SVOPL: variants seen among roughly 807,000 people sequenced by gnomAD.
SVOPL encodes the protein putative transporter SVOPL.
Under a neutral mutation model 61.0 loss-of-function variants are expected in SVOPL, and 60 were observed. That is an observed-to-expected ratio of 0.98 (90% CI 0.80 to 1.22). The LOEUF (loss-of-function observed/expected upper bound fraction) is 1.22, where lower values mean the gene tolerates loss of function less well. Ranked by LOEUF, SVOPL falls within the 50% of genes most tolerant of loss-of-function variation. The probability of loss-of-function intolerance (pLI) is 0.00; values close to 1 mark genes in which losing one functional copy is unlikely to be tolerated. For synonymous variants in SVOPL, 279 were observed against 250.0 expected (o/e 1.12, Z -1.09); for missense variants, 662 against 643.9 (o/e 1.03, Z -0.30).
At chr7:138,661,733 T>C in intron 5 of SVOPL, 4 of 860,816 alleles carry the variant, frequency 4.6e-6, no homozygotes, top group Non-Finnish European at 5.6e-6. Flanking sequence ...CCCCAAATTC[T>C]TTTCTCTCCT....
chr7:138,596,733 G>A, intron 14 of SVOPL: 1 of 1,257,538 alleles, frequency 8.0e-7, no homozygotes, highest in South Asian at 2.0e-5. Flanking sequence ...ACAGGAACTG[G>A]TATTAACACG....
At chr7:138,690,272 T>C (rs1802912331) in intron 1 of SVOPL, among the ~76,000 whole-genome samples, 1 of 152,230 alleles carries the variant, frequency 6.6e-6, no homozygotes. Flanking sequence ...AGAAGCATCA[T>C]TTGAGATAGA....
At chr7:138,618,343 C>T (rs1799392796) in intron 14 of SVOPL, among the ~76,000 whole-genome samples, 1 of 152,060 alleles carries the variant, frequency 6.6e-6, no homozygotes, top group Admixed American at 6.6e-5. Flanking sequence ...GTAGTAGGTG[C>T]TATTCTTTAT....
intron 9 of SVOPL, among the ~76,000 whole-genome samples, chr7:138,632,576 G>A (rs1055332286): frequency 6.6e-6 from 1 of 152,038 alleles, no homozygotes; most frequent in Non-Finnish European, 1.5e-5. Context: ...GTGAAGAATG[G>A]GGGATGGAGA....
chr7:138,637,481 G>T (rs186966572), intron 9 of SVOPL, among the ~76,000 whole-genome samples: 1,940 of 41,204 alleles, frequency 0.047, 63 homozygotes, highest in African/African-American at 0.068. Flanking sequence ...TATAGATATA[G>T]ATATAGATAG....
At chr7:138,601,125 A>G (rs1240066185) in intron 14 of SVOPL, among the ~76,000 whole-genome samples, 2 of 151,818 alleles carry the variant, frequency 1.3e-5, no homozygotes, top group Non-Finnish European at 1.5e-5. Flanking sequence ...GGTGGCAGGC[A>G]CCTGTAGTCC....
intron 14 of SVOPL, among the ~76,000 whole-genome samples, chr7:138,599,146 A>AAAAAAAAAAC (rs1798401721): frequency 1.7e-5 from 1 of 58,866 alleles, no homozygotes. Context: ...GTCTCCAAAA[A>AAAAAAAAAAC]AAAAAAAAAA....
At chr7:138,597,044 A>G (rs1798308506) in intron 14 of SVOPL, 2 of 1,157,318 alleles carry the variant, frequency 1.7e-6, no homozygotes, top group African/African-American at 3.2e-5. Context: ...GTGTGACACC[A>G]AAACTCTTTG....
chr7:138,603,103 C>T (rs1256342039), intron 14 of SVOPL, among the ~76,000 whole-genome samples: 2 of 152,026 alleles, frequency 1.3e-5, no homozygotes, highest in Non-Finnish European at 2.9e-5. Flanking sequence ...CACAGACATG[C>T]CCAGAGAGAC....
At chr7:138,607,269 T>G (rs533765901) in intron 14 of SVOPL, among the ~76,000 whole-genome samples, 19 of 152,174 alleles carry the variant, frequency 1.2e-4, no homozygotes, top group Non-Finnish European at 2.5e-4. Context: ...TTGGGGTTCA[T>G]GAGGAAGTCA....
intron 14 of SVOPL, among the ~76,000 whole-genome samples, chr7:138,604,740 C>T (rs745472688): frequency 6.8e-6 from 1 of 147,936 alleles, no homozygotes; most frequent in Non-Finnish European, 1.5e-5. Context: ...ACTATTCTTC[C>T]AATTCAAGAA....
rs1330414093 is a variant in SVOPL at position 138,622,217 on chromosome 7, T to A, written c.1264-1082A>T. ...ATCTATCTATGTATCTATCTATCTA[T>A]CTATGTATCTATCTATGTATCTATC... On this transcript the variant is annotated intron_variant, in intron 13 of 15. Coordinates refer to ENST00000674285, the MANE Select transcript of SVOPL (RefSeq NM_001139456.2). Among the ~76,000 whole-genome samples, 43 of 105,226 alleles carry A rather than the reference T, an allele frequency of 4.1e-4. 3 individuals carry two copies. Among genetic ancestry groups the A allele is most frequent in the Admixed American group, 1.6e-3 (16 of 9,902 alleles). 69.0% of individuals were successfully genotyped at this position (105,226 alleles called of 152,430 possible). A position where few individuals can be genotyped will look rare whatever the true frequency, so the allele number is the denominator to read the frequency against.
intron 8 of SVOPL, chr7:138,646,252 C>G (rs1218237964): frequency 6.0e-6 from 1 of 165,742 alleles, no homozygotes; most frequent in Non-Finnish European, 1.3e-5. Flanking sequence ...ACAATGCCAA[C>G]AGCAAGCTGC....
chr7:138,637,429 T>C (rs1800522130), intron 9 of SVOPL, among the ~76,000 whole-genome samples: 2 of 96,018 alleles, frequency 2.1e-5, no homozygotes, highest in African/African-American at 1.2e-4. Context: ...CTCCATCTCA[T>C]ATATATATAT....
At chr7:138,695,802 G>A (rs1803052322) in intron 1 of SVOPL, among the ~76,000 whole-genome samples, 2 of 151,874 alleles carry the variant, frequency 1.3e-5, no homozygotes, top group East Asian at 3.9e-4. Context: ...TTTATTTTGG[G>A]GCGGAGTCTC....
chr7:138,691,707 A>G (rs1227628513), intron 1 of SVOPL, among the ~76,000 whole-genome samples: 13 of 147,856 alleles, frequency 8.8e-5, no homozygotes, highest in East Asian at 4.0e-4. Context: ...CACCCAGCTA[A>G]TTTTTGTATT....
At chr7:138,682,581 C>A (rs749666230) in intron 1 of SVOPL, among the ~76,000 whole-genome samples, 1 of 152,034 alleles carries the variant, frequency 6.6e-6, no homozygotes, top group Non-Finnish European at 1.5e-5. Flanking sequence ...GAAAGGGGAA[C>A]CTATAGACTA....
intron 1 of SVOPL, chr7:138,689,249 T>C: frequency 6.4e-7 from 1 of 1,557,676 alleles, no homozygotes; most frequent in Non-Finnish European, 8.8e-7. Flanking sequence ...GTGCTGAATT[T>C]TTGCTGCACA....
At chr7:138,624,793 A>G (rs1189928616) in intron 13 of SVOPL, among the ~76,000 whole-genome samples, 1 of 150,948 alleles carries the variant, frequency 6.6e-6, no homozygotes, top group Non-Finnish European at 1.5e-5. Context: ...CAACTCCTGC[A>G]CTCAAGCAAT....
Sources: allele counts gnomAD v4.1 joint callset (sites outside exome capture counted in the v4.1 genomes callset), GRCh38; gene constraint gnomAD v4.1.1; transcripts MANE v1.5; gene names NCBI Gene and HGNC (gene_info 2026-07-23, HGNC 2026-07-21).